The following PCDH15 variants were observed in gnomAD, a reference collection of about 807,000 sequenced individuals.
The protein encoded by PCDH15 is protocadherin-15.
A neutral mutation model predicts 178.5 loss-of-function variants in PCDH15; 129 were observed. The observed-to-expected ratio is 0.72, with a 90% CI of 0.63 to 0.84. The LOEUF (loss-of-function observed/expected upper bound fraction) is 0.84. Ranked by LOEUF, PCDH15 falls within the 40% of genes least tolerant of loss-of-function variation. The pLI is 0.00. For missense variants in PCDH15, 2,230 were observed against 2,099.9 expected, an observed-to-expected ratio of 1.06 and a Z score of -1.21; for synonymous variants, 800 against 732.0, an observed-to-expected ratio of 1.09 and a Z score of -1.50.
chr10:54,100,305 C>G (rs1590418398), intron 15 of PCDH15, among the ~76,000 whole-genome samples: 1 of 151,170 alleles, frequency 6.6e-6, no homozygotes, highest in African/African-American at 2.4e-5. Context: ...GCAGAGGTTA[C>G]AGTCAGCCAA....
At chr10:54,591,424 G>A (rs557594495) in intron 2 of PCDH15, among the ~76,000 whole-genome samples, 12 of 152,276 alleles carry the variant, frequency 7.9e-5, no homozygotes, top group East Asian at 3.9e-4. Context: ...GTCAAGGGAC[G>A]TGGGTGGCCA....
intron 15 of PCDH15, among the ~76,000 whole-genome samples, chr10:54,104,845 C>CAAAAAAAAAAAAA (rs56195842): frequency 2.1e-5 from 1 of 48,634 alleles, no homozygotes; most frequent in Non-Finnish European, 4.6e-5. Context: ...TCAACAACAA[C>CAAAAAAAAAAAAA]AAAAAAAAAA....
In PCDH15 at chr10:55,118,037, G is replaced by A. The variant is rs146051460; in HGVS notation, c.-80+48539C>T. 6.8e-4 allele frequency among the ~76,000 whole-genome samples: 103 copies of A among 152,172 alleles called. No individual in the cohort carries two copies. In the East Asian group the frequency reaches 0.018, roughly 26 times the overall value. ...ATAAGAAGAAGTTTGATGTCTAAGT[G>A]GCTTGCCCTAAAAGAATATGATGGA... On this transcript the variant is annotated intron_variant, in intron 2 of 5. Transcript: ENST00000458638.
chr10:55,423,870 G>GT, intron 2 of PCDH15, among the ~76,000 whole-genome samples: 1 of 152,190 alleles, frequency 6.6e-6, no homozygotes, highest in East Asian at 1.9e-4. Context: ...TTTTTAAAAT[G>GT]TAAGTTTTTA....
rs1438260972 is a variant in PCDH15, at chr10:54,762,509, T to C, written c.-29+38416A>G. On this transcript the variant is annotated intron_variant, in intron 1 of 37. Coordinates refer to ENST00000644397, the MANE Select transcript of PCDH15 (RefSeq NM_001384140.1). ...TGATGAATCATTCAGTAAAACCAAA[T>C]GAAACAAATACCTTCAATCTCTCAA... Among the ~76,000 whole-genome samples, 4 of 152,130 alleles carry C rather than the reference T, an allele frequency of 2.6e-5. 1 individual carries two copies. The highest frequency in any genetic ancestry group is 9.7e-5 in the African/African-American group (4 of 41,424).
intron 2 of PCDH15, among the ~76,000 whole-genome samples, chr10:55,571,875 T>A (rs1362706480): frequency 2.0e-5 from 3 of 152,104 alleles, no homozygotes; most frequent in Non-Finnish European, 4.4e-5. Context: ...TATCATCGTA[T>A]GCACTGTATC....
intron 8 of PCDH15, among the ~76,000 whole-genome samples, chr10:54,315,781 A>T (rs897857357): frequency 2.0e-5 from 3 of 152,170 alleles, no homozygotes; most frequent in African/African-American, 7.2e-5. Flanking sequence ...TTTACTGAAT[A>T]GGAAGTCTTT....
In PCDH15 at chr10:54,320,062, G is replaced by T. The variant is rs116314163; in HGVS notation, c.706-2621C>A. Among the ~76,000 whole-genome samples, 1,110 of 151,772 alleles carry T rather than the reference G, an allele frequency of 7.3e-3. 17 individuals are homozygous for T. Among genetic ancestry groups the T allele is most frequent in the African/African-American group, 0.025 (1,049 of 41,416 alleles). On this transcript the variant is annotated intron_variant, in intron 7 of 37. Coordinates refer to ENST00000644397, the MANE Select transcript of PCDH15 (RefSeq NM_001384140.1). The stretch of plus-strand genomic sequence containing the variant: ...AAAATGTTTAAATTTTCAAAGTTTC[G>T]GAACTCACTCAGATCCCTAGAGGCA...
chr10:54,837,366 ACAC>A, intron 3 of PCDH15, among the ~76,000 whole-genome samples: 1 of 152,248 alleles, frequency 6.6e-6, no homozygotes, highest in African/African-American at 2.4e-5. Context: ...ACACCCCTAA[ACAC>A]ACACACTGCG....
intron 8 of PCDH15, among the ~76,000 whole-genome samples, chr10:54,281,560 T>C (rs929579533): frequency 1.3e-5 from 2 of 152,038 alleles, no homozygotes; most frequent in African/African-American, 4.8e-5. Flanking sequence ...CTTCATGTGG[T>C]AAATACCAGC....
chr10:55,065,322 T>A (rs774360427), intron 2 of PCDH15, among the ~76,000 whole-genome samples: 8 of 152,010 alleles, frequency 5.3e-5, no homozygotes, highest in Non-Finnish European at 8.8e-5. Flanking sequence ...TCCCCTTTCA[T>A]CTAACCAGAA....
intron 3 of PCDH15, among the ~76,000 whole-genome samples, chr10:54,878,612 C>T (rs1348968498): frequency 6.6e-6 from 1 of 152,062 alleles, no homozygotes; most frequent in Non-Finnish European, 1.5e-5. Context: ...ATGATAATGG[C>T]ACTTACATCA....
intron 2 of PCDH15, among the ~76,000 whole-genome samples, chr10:55,422,150 C>T (rs1001688594): frequency 1.3e-5 from 2 of 150,620 alleles, no homozygotes; most frequent in Non-Finnish European, 3.0e-5. Context: ...ATAACAACCA[C>T]CAATCTAAAA....
At chr10:55,016,137 A>C (rs1304498160) in intron 2 of PCDH15, among the ~76,000 whole-genome samples, 1 of 147,732 alleles carries the variant, frequency 6.8e-6, no homozygotes, top group Non-Finnish European at 1.5e-5. Context: ...GGTACAAACT[A>C]GGTGTATATA....
chr10:55,402,706 G>C (rs1027572970), intron 2 of PCDH15, among the ~76,000 whole-genome samples: 2 of 151,748 alleles, frequency 1.3e-5, no homozygotes, highest in African/African-American at 4.8e-5. Context: ...ACCATATATT[G>C]TTTTTCCATT....
At chr10:55,227,047 T>G (rs892496344) in intron 1 of PCDH15, among the ~76,000 whole-genome samples, 1 of 152,024 alleles carries the variant, frequency 6.6e-6, no homozygotes, top group African/African-American at 2.4e-5. Context: ...TCATTAGTCA[T>G]TCCACAATGT....
intron 2 of PCDH15, among the ~76,000 whole-genome samples, chr10:54,579,408 T>C (rs1565652016): frequency 6.6e-6 from 1 of 152,082 alleles, no homozygotes; most frequent in Non-Finnish European, 1.5e-5. Context: ...CATTAAATAA[T>C]GACAAAGGGT....
intron 1 of PCDH15, among the ~76,000 whole-genome samples, chr10:55,305,291 A>G (rs561335262): frequency 2.0e-5 from 3 of 152,242 alleles, no homozygotes; most frequent in Non-Finnish European, 4.4e-5. Context: ...TTTAATTTCA[A>G]TTGAAAGCTT....
intron 2 of PCDH15, among the ~76,000 whole-genome samples, chr10:54,946,044 A>G (rs1838190404): frequency 6.6e-6 from 1 of 151,778 alleles, no homozygotes; most frequent in Non-Finnish European, 1.5e-5. Context: ...TTGCTTGCTC[A>G]TTATCTCTTA....
Sources: allele counts gnomAD v4.1 joint callset (sites outside exome capture counted in the v4.1 genomes callset), GRCh38; gene constraint gnomAD v4.1.1; transcripts MANE v1.5; gene names NCBI Gene and HGNC (gene_info 2026-07-23, HGNC 2026-07-21).